The following LAMB1 variants were observed in gnomAD, a reference collection of about 807,000 sequenced individuals.
LAMB1 encodes the protein laminin subunit beta 1, also known as laminin subunit beta-1.
In LAMB1, 121 loss-of-function variants were observed where a neutral mutation model predicts 222.3. That is an observed-to-expected ratio of 0.54 (90% CI 0.47 to 0.63). The LOEUF (loss-of-function observed/expected upper bound fraction) is 0.63. Among genes scored for constraint, LAMB1 ranks in the 30% least tolerant of loss-of-function variants. LAMB1 has a pLI of 0.00. For synonymous variants in LAMB1, 794 were observed against 807.2 expected (o/e 0.98, Z 0.28); for missense variants, 2,172 against 2,240.8 (o/e 0.97, Z 0.62).
At chr7:107,991,981 C>A (rs2034193150) in intron 5 of LAMB1, among the ~76,000 whole-genome samples, 1 of 151,454 alleles carries the variant, frequency 6.6e-6, no homozygotes. Context: ...AAAGTTCACA[C>A]TCCCTAGCAA....
intron 21 of LAMB1, 79 bp downstream of exon 21, chr7:107,955,387 TC>T: frequency 7.8e-7 from 1 of 1,286,082 alleles, no homozygotes; most frequent in Non-Finnish European, 1.1e-6. Context: ...TCACTTTGCA[TC>T]TTTTTTTCTC....
intron 24 of LAMB1, chr7:107,950,965 T>TGTGATA: frequency 2.8e-6 from 1 of 354,624 alleles, no homozygotes; most frequent in Non-Finnish European, 5.3e-6. Context: ...TGTGTGTGCT[T>TGTGATA]ACACACAGAA....
intron 20 of LAMB1, among the ~76,000 whole-genome samples, chr7:107,956,150 G>A (rs535462474): frequency 4.6e-5 from 7 of 152,000 alleles, no homozygotes; most frequent in Non-Finnish European, 1.0e-4. Flanking sequence ...ACCCACCTCA[G>A]CCTCCCAAAG....
In LAMB1 at chr7:107,924,099, T is replaced by TAC; in HGVS notation, c.5225-13_5225-12insGT. 5 of 1,464,380 alleles carry TAC rather than the reference T, an allele frequency of 3.4e-6. No individual in the cohort carries two copies. The highest frequency in any genetic ancestry group is 2.4e-5 in the Admixed American group (1 of 41,562). The allele number at this position is 1,464,380 out of a possible 1,614,324, so 90.7% of individuals were successfully genotyped here. ...TTTTCTTTCTAAATCTGTGGGGAGA[T>TAC]ATATATATATAAAGTCTGAGCAATT... On this transcript the variant is annotated splice_polypyrimidine_tract_variant and intron_variant, in intron 33 of 33. Transcript: ENST00000222399.
rs11458116 is a variant in LAMB1, at chr7:107,983,547, CTTTTTTT to C, written c.676+2468_676+2474del. 2.0e-4 allele frequency among the ~76,000 whole-genome samples: 22 copies of C among 111,146 alleles called. No individual in the cohort carries two copies. In the Middle Eastern group the frequency reaches 0.044, roughly 225 times the overall value. 72.9% of individuals were successfully genotyped at this position (111,146 alleles called of 152,430 possible). On this transcript the variant is annotated intron_variant, in intron 7 of 33. Coordinates refer to ENST00000222399, the MANE Select transcript of LAMB1 (RefSeq NM_002291.3). ...TCCAGGACTTTGTGACTCCAAAGCC[CTTTTTTT>C]TTTTTTTTTTTTTTTTGAGACAGAG...
At chr7:107,990,026 T>TGG (rs61508370) in intron 5 of LAMB1, among the ~76,000 whole-genome samples, 54 of 149,972 alleles carry the variant, frequency 3.6e-4, no homozygotes, top group African/African-American at 1.1e-3. Context: ...GAGTTTTTTG[T>TGG]GTTTTTTTTT....
At chr7:107,956,644 C>T (rs1047647441) in intron 20 of LAMB1, among the ~76,000 whole-genome samples, 5 of 152,228 alleles carry the variant, frequency 3.3e-5, no homozygotes, top group African/African-American at 1.2e-4. Flanking sequence ...TCAGCCTCTG[C>T]CTATGCCTGA....
intron 20 of LAMB1, among the ~76,000 whole-genome samples, chr7:107,957,387 T>C (rs1244837885): frequency 6.6e-6 from 1 of 151,490 alleles, no homozygotes; most frequent in Non-Finnish European, 1.5e-5. Context: ...TGAGACTCCA[T>C]CTCAAAACAA....
chr7:107,963,760 G>C (rs1302738557), intron 14 of LAMB1, among the ~76,000 whole-genome samples: 1 of 152,242 alleles, frequency 6.6e-6, no homozygotes. Flanking sequence ...CTTTCAGAGA[G>C]CTGGCAGCTT....
Position 107,960,520 on chromosome 7 carries a change from C to T in LAMB1, c.2239G>A (p.Val747Met). ...YRCLENSRSV[V>M]KTPMTDVCRN... ...CAAACATCTGTCATCGGTGTTTTCACAACGCTTCTGCTGTTCTCTAGACAT... is the reference window on the plus strand; with the variant it reads ...CAAACATCTGTCATCGGTGTTTTCATAACGCTTCTGCTGTTCTCTAGACAT... The change falls in exon 18 of 34, where the codon GTG becomes ATG. Residue 747 changes from valine (V) to methionine (M), a missense_variant. Coordinates refer to ENST00000222399, the MANE Select transcript of LAMB1 (RefSeq NM_002291.3). 1 of 1,614,210 alleles carries T rather than the reference C, an allele frequency of 6.2e-7. No individual in the cohort carries two copies. The highest frequency in any genetic ancestry group is 8.5e-7 in the Non-Finnish European group (1 of 1,180,014).
At chr7:107,959,604 G>A (rs762657576) in intron 19 of LAMB1, 87 bp downstream of exon 19, 12 of 1,612,656 alleles carry the variant, frequency 7.4e-6, no homozygotes, top group Non-Finnish European at 9.3e-6. Flanking sequence ...CTTCAGGAGG[G>A]AAGCATCGGC....
chr7:107,994,791 C>T, intron 5 of LAMB1, 96 bp downstream of exon 5: 1 of 630,142 alleles, frequency 1.6e-6, no homozygotes, highest in Non-Finnish European at 2.8e-6. Flanking sequence ...TATTTAAGTT[C>T]CCATTTAGGT....
intron 20 of LAMB1, among the ~76,000 whole-genome samples, chr7:107,958,783 C>G (rs2033430812): frequency 6.6e-6 from 1 of 152,188 alleles, no homozygotes; most frequent in Admixed American, 6.5e-5. Flanking sequence ...AACTGGAGAA[C>G]AGATCTACTT....
Position 107,955,514 on chromosome 7 carries a change from T to C in LAMB1, c.2807A>G (p.Asp936Gly), listed in dbSNP as rs764595527. The C allele has an allele frequency of 1.9e-6, 3 of 1,613,990 alleles. No individual in the cohort carries two copies. The highest frequency in any genetic ancestry group is 2.5e-6 in the Non-Finnish European group (3 of 1,179,980). ...GRQFARSCYQ[D>G]PVTLQLACVC... ...ACAGGCAAGCTGTAAAGTAACAGGA[T>C]CTTGGTAGCAGCTCCTGGCAAACTG... The change falls in exon 21 of 34, where the codon GAT (aspartate) becomes GGT (glycine). Residue 936 changes from aspartate to glycine, a missense_variant. Coordinates refer to ENST00000222399, the MANE Select transcript of LAMB1 (RefSeq NM_002291.3).
In LAMB1 at chr7:107,924,274, T is replaced by A. The variant is rs2032507765; in HGVS notation, c.5180A>T (p.Lys1727Ile). 1 of 1,612,984 alleles carries A rather than the reference T, an allele frequency of 6.2e-7. No individual in the cohort carries two copies. The highest frequency in any genetic ancestry group is 1.1e-5 in the South Asian group (1 of 90,756). Residue 1727 changes from lysine to isoleucine, a missense_variant, in exon 33 of 34, where the codon AAA becomes ATA. Lys to Ile is a moderately radical substitution (Grantham distance 102). Coordinates refer to ENST00000222399, the MANE Select transcript of LAMB1 (RefSeq NM_002291.3). ...RKAEMLQNEA[K>I]TLLAQANSKL... ...GCTATTTGCTTGAGCTAAAAGAGTT[T>A]TTGCTTCATTTTGTAGCATTTCGGC...
intron 15 of LAMB1, among the ~76,000 whole-genome samples, chr7:107,961,987 A>G (rs1408529857): frequency 6.6e-6 from 1 of 152,116 alleles, no homozygotes; most frequent in East Asian, 1.9e-4. Context: ...TTATAGTCCA[A>G]ATTCCTTTAC....
chr7:108,002,404 A>C (rs1430250974), intron 2 of LAMB1: 2 of 1,313,308 alleles, frequency 1.5e-6, no homozygotes, highest in Non-Finnish European at 2.0e-6. Flanking sequence ...TCCGGAGACA[A>C]ACAGAGATGG....
chr7:107,937,617 C>G (rs1422329959), intron 25 of LAMB1, among the ~76,000 whole-genome samples: 1 of 152,170 alleles, frequency 6.6e-6, no homozygotes, highest in African/African-American at 2.4e-5. Flanking sequence ...CAAGCCCTTA[C>G]AATTGTGAAA....
intron 4 of LAMB1, among the ~76,000 whole-genome samples, chr7:107,997,719 A>G (rs1287482789): frequency 4.6e-5 from 7 of 152,220 alleles, no homozygotes; most frequent in Admixed American, 2.0e-4. Flanking sequence ...AACAAATGTG[A>G]AACTCATCTG....
Sources: allele counts gnomAD v4.1 joint callset (sites outside exome capture counted in the v4.1 genomes callset), GRCh38; gene constraint gnomAD v4.1.1; transcripts MANE v1.5; gene names NCBI Gene and HGNC (gene_info 2026-07-23, HGNC 2026-07-21).